Variants in CSMD1 observed in about 807,000 individuals in gnomAD.
CSMD1 encodes the protein CUB and Sushi multiple domains 1.
CSMD1 carries 213 observed loss-of-function variants against 417.5 expected under a neutral mutation model. The ratio of observed to expected loss-of-function variants is 0.51; its 90% CI spans 0.46 to 0.57. The LOEUF is 0.57. CSMD1 is among the 20% of genes least tolerant of loss of function. The pLI, the probability that CSMD1 is intolerant of heterozygous loss-of-function variation, is 0.00. For missense variants in CSMD1, 6,923 were observed against 4,529.7 expected (o/e 1.53, Z -15.17); for synonymous variants, 2,862 against 1,736.8 (o/e 1.65, Z -16.11).
chr8:3,929,144 G>A (rs985150468), intron 5 of CSMD1, among the ~76,000 whole-genome samples: 4 of 150,222 alleles, frequency 2.7e-5, no homozygotes, highest in African/African-American at 4.9e-5. Flanking sequence ...GCTTTCTACT[G>A]CCCCCTCTGG....
chr8:4,453,676 G>A (rs1021853801), intron 2 of CSMD1, among the ~76,000 whole-genome samples: 6 of 152,024 alleles, frequency 3.9e-5, no homozygotes, highest in African/African-American at 7.2e-5. Flanking sequence ...AGGTCCCGCA[G>A]TCTACAGACC....
chr8:3,123,710 G>A (rs1384893263), intron 41 of CSMD1, among the ~76,000 whole-genome samples: 1 of 152,110 alleles, frequency 6.6e-6, no homozygotes, highest in Non-Finnish European at 1.5e-5. Context: ...TTTCATCCAC[G>A]AATTAGCAGT....
chr8:3,743,118 G>A (rs1002058390), intron 6 of CSMD1, among the ~76,000 whole-genome samples: 1 of 152,202 alleles, frequency 6.6e-6, no homozygotes, highest in East Asian at 1.9e-4. Context: ...AAGGAACTGA[G>A]AGACTTGCTC....
At chr8:4,056,777 C>T (rs923736062) in intron 3 of CSMD1, among the ~76,000 whole-genome samples, 4 of 151,948 alleles carry the variant, frequency 2.6e-5, no homozygotes, top group East Asian at 1.9e-4. Flanking sequence ...TGAGTGAGAA[C>T]ATGCGGTGTT....
chr8:2,950,482 T>C (rs993485059), intron 66 of CSMD1, 139 bp from the exon 67 acceptor site: 2 of 612,690 alleles, frequency 3.3e-6, no homozygotes, highest in Non-Finnish European at 5.8e-6. Context: ...GTATTTTTAT[T>C]TGTGAATTTT....
chr8:4,305,469 G>A (rs74894492), intron 3 of CSMD1, among the ~76,000 whole-genome samples: 3,072 of 152,276 alleles, frequency 0.02, 46 homozygotes, highest in South Asian at 0.045. Flanking sequence ...TGGAATCACT[G>A]TAAAATTAAT....
chr8:4,370,923 A>T (rs368666557), intron 3 of CSMD1, among the ~76,000 whole-genome samples: 1 of 152,180 alleles, frequency 6.6e-6, no homozygotes, highest in Non-Finnish European at 1.5e-5. Context: ...TGTCTGACAC[A>T]CTTCAGCCAT....
intron 1 of CSMD1, among the ~76,000 whole-genome samples, chr8:4,657,039 G>A (rs1003338329): frequency 2.6e-5 from 4 of 152,114 alleles, no homozygotes; most frequent in Admixed American, 6.5e-5. Flanking sequence ...ACACGCAAAA[G>A]ATCACAATGG....
chr8:4,149,824 T>G (rs1796474617), intron 3 of CSMD1, among the ~76,000 whole-genome samples: 1 of 152,210 alleles, frequency 6.6e-6, no homozygotes, highest in Non-Finnish European at 1.5e-5. Context: ...AAATACCACT[T>G]TAATTGGTTC....
intron 3 of CSMD1, among the ~76,000 whole-genome samples, chr8:4,054,598 G>C (rs1001784951): frequency 1.3e-5 from 2 of 152,084 alleles, no homozygotes; most frequent in South Asian, 2.1e-4. Flanking sequence ...AATTGTGGAG[G>C]TGTATTTAGC....
intron 6 of CSMD1, among the ~76,000 whole-genome samples, chr8:3,743,692 T>C (rs1796927687): frequency 6.6e-6 from 1 of 152,172 alleles, no homozygotes; most frequent in Admixed American, 6.5e-5. Context: ...CCGTATTTTT[T>C]CCCATAAAGA....
At chr8:3,809,580 GTAGA>G (rs1468807819) in intron 5 of CSMD1, among the ~76,000 whole-genome samples, 2 of 152,148 alleles carry the variant, frequency 1.3e-5, no homozygotes, top group African/African-American at 2.4e-5. Context: ...TTGTGAAAGT[GTAGA>G]TAGTTGGCCC....
intron 3 of CSMD1, among the ~76,000 whole-genome samples, chr8:4,342,792 G>A (rs1272209616): frequency 6.6e-6 from 1 of 151,972 alleles, no homozygotes; most frequent in Admixed American, 6.6e-5. Context: ...AAGGGACTTG[G>A]AAAGGTGGTT....
At chr8:3,556,401 A>T (rs1799145790) in intron 10 of CSMD1, among the ~76,000 whole-genome samples, 1 of 141,166 alleles carries the variant, frequency 7.1e-6, no homozygotes, top group South Asian at 2.2e-4. Flanking sequence ...TAATATATAT[A>T]TATATATATA....
chr8:3,263,110 A>G (rs1563200489), intron 26 of CSMD1, among the ~76,000 whole-genome samples: 1 of 151,774 alleles, frequency 6.6e-6, no homozygotes, highest in East Asian at 1.9e-4. Flanking sequence ...ATCAACTGTT[A>G]TTTTTTTTCA....
chr8:3,438,766 T>A (rs1385750740), intron 12 of CSMD1, among the ~76,000 whole-genome samples: 4 of 152,086 alleles, frequency 2.6e-5, no homozygotes, highest in Non-Finnish European at 5.9e-5. Flanking sequence ...TTCTCTGAGA[T>A]AAATGATTGG....
At chr8:4,319,950 A>G (rs996520670) in intron 3 of CSMD1, among the ~76,000 whole-genome samples, 4 of 152,182 alleles carry the variant, frequency 2.6e-5, no homozygotes, top group South Asian at 2.1e-4. Flanking sequence ...CACAAGGCCA[A>G]TGTTTGGATT....
intron 4 of CSMD1, among the ~76,000 whole-genome samples, chr8:4,028,462 A>G (rs1206439308): frequency 6.6e-6 from 1 of 152,192 alleles, no homozygotes; most frequent in Non-Finnish European, 1.5e-5. Flanking sequence ...TGAATACAAT[A>G]AACACCAAGC....
At chr8:4,129,261 C>A (rs1307812031) in intron 3 of CSMD1, among the ~76,000 whole-genome samples, 3 of 152,086 alleles carry the variant, frequency 2.0e-5, no homozygotes, top group Admixed American at 6.6e-5. Flanking sequence ...CCTGGGGAGC[C>A]TTCAGATCTG....
Sources: allele counts gnomAD v4.1 joint callset (sites outside exome capture counted in the v4.1 genomes callset), GRCh38; gene constraint gnomAD v4.1.1; transcripts MANE v1.5; gene names NCBI Gene and HGNC (gene_info 2026-07-23, HGNC 2026-07-21).